SPECC1L: variants seen among roughly 807,000 people sequenced by gnomAD.
SPECC1L encodes the protein sperm antigen with calponin homology and coiled-coil domains 1 like.
In SPECC1L, 40 loss-of-function variants were observed where a neutral mutation model predicts 116.8. The ratio of observed to expected loss-of-function variants is 0.34; its 90% CI spans 0.27 to 0.45. The LOEUF (loss-of-function observed/expected upper bound fraction) is 0.45, where lower values mean the gene tolerates loss of function less well. Ranked by LOEUF, SPECC1L falls within the 20% of genes least tolerant of loss-of-function variation. SPECC1L has a pLI of 1.00. For synonymous variants in SPECC1L, 504 were observed against 500.6 expected (o/e 1.01, Z -0.09); for missense variants, 1,110 against 1,373.6 (o/e 0.81, Z 3.03).
At chr22:24,370,413 A>C (rs1267358560) in intron 14 of SPECC1L, among the ~76,000 whole-genome samples, 1 of 151,818 alleles carries the variant, frequency 6.6e-6, no homozygotes, top group Non-Finnish European at 1.5e-5. Context: ...ACTGGCTAAC[A>C]AAGGAGATAA....
intron 3 of SPECC1L, among the ~76,000 whole-genome samples, chr22:24,302,726 G>A (rs183169463): frequency 6.6e-6 from 1 of 152,278 alleles, no homozygotes; most frequent in East Asian, 1.9e-4. Flanking sequence ...AATACCCAGG[G>A]AGAATGTCAG....
chr22:24,291,147 G>A (rs756809216), intron 2 of SPECC1L, among the ~76,000 whole-genome samples: 13 of 152,170 alleles, frequency 8.5e-5, no homozygotes, highest in Non-Finnish European at 1.3e-4. Flanking sequence ...AGATTGCTTA[G>A]GTTAAAAACC....
intron 13 of SPECC1L, among the ~76,000 whole-genome samples, chr22:24,368,185 A>G (rs749400320): frequency 2.0e-5 from 3 of 152,218 alleles, no homozygotes; most frequent in Non-Finnish European, 4.4e-5. Flanking sequence ...AAAATGAATC[A>G]TATGTATAGC....
chr22:24,334,609 C>T (rs199938576), intron 9 of SPECC1L, 36 bp downstream of exon 9: 31 of 1,608,454 alleles, frequency 1.9e-5, no homozygotes, highest in Non-Finnish European at 2.6e-5. Context: ...CTACTGCATG[C>T]GGTTGTGTTC....
At chr22:24,323,629 A>G (rs2040763741) in intron 5 of SPECC1L, among the ~76,000 whole-genome samples, 1 of 152,066 alleles carries the variant, frequency 6.6e-6, no homozygotes, top group Non-Finnish European at 1.5e-5. Flanking sequence ...CATTTTATTT[A>G]TTTGTTATTT....
In SPECC1L at chr22:24,316,731, C is replaced by A. The variant is rs1242527996; in HGVS notation, c.307+3265C>A. ...ATTTCTCAATCTTTTCCCCACCTTT[C>A]CCCCCTTTCTATTCCACAAAACCAC... is the stretch of plus-strand genomic sequence containing the variant. On this transcript the variant is annotated intron_variant, in intron 4 of 16. Transcript: ENST00000314328. 3.3e-5 allele frequency among the ~76,000 whole-genome samples: 5 copies of A among 149,856 alleles called. No individual in the cohort carries two copies. In the East Asian group the frequency reaches 8.0e-4, roughly 24 times the overall value.
Position 24,338,233 on chromosome 22 carries a change from G to A in SPECC1L, c.2561-153G>A, listed in dbSNP as rs187925520. On this transcript the variant is annotated intron_variant, in intron 9 of 16. Coordinates refer to ENST00000314328, the MANE Select transcript of SPECC1L (RefSeq NM_015330.6). ...AAAAGCACCTGTGTGCTAAGACATG[G>A]CTACAAGTGTTCAGCAGAGGCTAGA... 1.7e-3 allele frequency among the ~76,000 whole-genome samples: 258 copies of A among 152,338 alleles called. 2 individuals carry two copies. Among genetic ancestry groups the A allele is most frequent in the Non-Finnish European group, 7.6e-4 (52 of 68,034 alleles).
chr22:24,391,916 TTTAAGA>T (rs1255374395), intron 14 of SPECC1L, among the ~76,000 whole-genome samples: 1 of 152,250 alleles, frequency 6.6e-6, no homozygotes, highest in African/African-American at 2.4e-5. Context: ...CTTGTTTAGC[TTTAAGA>T]TAATTGTCTC....
intron 13 of SPECC1L, 83 bp downstream of exon 13, chr22:24,365,715 G>A (rs1601288239): frequency 4.7e-6 from 7 of 1,492,208 alleles, no homozygotes; most frequent in Non-Finnish European, 6.5e-6. Flanking sequence ...TAAAATGATG[G>A]CATTTGAGCA....
chr22:24,288,615 C>CTTTTTTTTTTTTTT lies in SPECC1L; in HGVS notation c.-38+11828_-38+11841dup, dbSNP rs756714389. Reference sequence around the variant, plus strand: ...GACTTCTCAAATCCAAAATTTTAAGCTTTTTTTTTTTTTTTTTTTTTTTTT... The same window carrying CTTTTTTTTTTTTTT: ...GACTTCTCAAATCCAAAATTTTAAGCTTTTTTTTTTTTTTTTTTTTTTTTTTTTTTTTTTTTTTT... On this transcript the variant is annotated intron_variant, in intron 2 of 16. Transcript: ENST00000314328. 1.6e-4 allele frequency among the ~76,000 whole-genome samples: 10 copies of CTTTTTTTTTTTTTT among 61,678 alleles called. 1 individual carries two copies. The highest frequency in any genetic ancestry group is 1.3e-3 in the South Asian group (2 of 1,514). The allele number at this position is 61,678 out of a possible 152,430, so 40.5% of individuals were successfully genotyped here.
At chr22:24,323,115 C>G in intron 5 of SPECC1L, 197 bp downstream of exon 5, 1 of 982,520 alleles carries the variant, frequency 1.0e-6, no homozygotes, top group Non-Finnish European at 1.2e-6. Context: ...GTCACTTTCT[C>G]TCACTTGTAT....
intron 2 of SPECC1L, among the ~76,000 whole-genome samples, chr22:24,285,570 C>T (rs970967655): frequency 1.3e-5 from 2 of 152,120 alleles, no homozygotes; most frequent in African/African-American, 4.8e-5. Flanking sequence ...ATTCAAAGAG[C>T]TGCCTTCTGT....
At chr22:24,363,475 C>T (rs1046146363) in intron 12 of SPECC1L, 131 bp downstream of exon 12, 10 of 799,974 alleles carry the variant, frequency 1.3e-5, no homozygotes, top group African/African-American at 5.1e-5. Context: ...TGTCCTCTCA[C>T]CTTGGCCTTC....
intron 14 of SPECC1L, among the ~76,000 whole-genome samples, chr22:24,376,091 T>G (rs771069734): frequency 3.9e-5 from 6 of 152,224 alleles, no homozygotes; most frequent in Non-Finnish European, 7.3e-5. Flanking sequence ...TTCAACATTT[T>G]TCTGCAAGTT....
intron 2 of SPECC1L, among the ~76,000 whole-genome samples, chr22:24,293,913 T>C (rs2049206298): frequency 2.2e-5 from 1 of 44,620 alleles, no homozygotes; most frequent in South Asian, 7.8e-4. Context: ...GGGAATTAGA[T>C]GCCCATTCTG....
chr22:24,348,379 C>T (rs948145820), intron 11 of SPECC1L, among the ~76,000 whole-genome samples: 1 of 152,130 alleles, frequency 6.6e-6, no homozygotes, highest in Admixed American at 6.5e-5. Flanking sequence ...GTAGTACCAG[C>T]GCCTGAAGAG....
chr22:24,383,898 C>T lies in SPECC1L; in HGVS notation c.3087+14578C>T, dbSNP rs62233982. On this transcript the variant is annotated intron_variant, in intron 14 of 16. Transcript: ENST00000314328. ...GAACTCCAGACCTCAGGTGATCCGCCCACCTGGGCCCCCCAAAGTGCTGGG... is the reference window on the plus strand; with the variant it reads ...GAACTCCAGACCTCAGGTGATCCGCTCACCTGGGCCCCCCAAAGTGCTGGG... Among the ~76,000 whole-genome samples, 1,130 of 146,900 alleles carry T rather than the reference C, an allele frequency of 7.7e-3. 9 individuals carry two copies. The highest frequency in any genetic ancestry group is 0.024 in the South Asian group (109 of 4,594).
At chr22:24,276,513 G>A (rs1189688231) in intron 1 of SPECC1L, among the ~76,000 whole-genome samples, 187 bp from the exon 2 acceptor site, 1 of 152,240 alleles carries the variant, frequency 6.6e-6, no homozygotes, top group Non-Finnish European at 1.5e-5. Flanking sequence ...CGCACCTGTA[G>A]TGCCAGCTTT....
At chr22:24,272,250 A>G (rs1397515610) in intron 1 of SPECC1L, among the ~76,000 whole-genome samples, 1 of 152,004 alleles carries the variant, frequency 6.6e-6, no homozygotes, top group Non-Finnish European at 1.5e-5. Context: ...CTGTAATCCC[A>G]GCTACTCAGG....
Sources: allele counts gnomAD v4.1 joint callset (sites outside exome capture counted in the v4.1 genomes callset), GRCh38; gene constraint gnomAD v4.1.1; transcripts MANE v1.5; gene names NCBI Gene and HGNC (gene_info 2026-07-23, HGNC 2026-07-21).